Variants in USP14 observed in about 807,000 individuals in gnomAD.
The protein encoded by USP14 is ubiquitin carboxyl-terminal hydrolase 14.
USP14 carries 38 observed loss-of-function variants against 76.5 expected under a neutral mutation model. That is an observed-to-expected ratio of 0.50 (90% CI 0.38 to 0.65). The LOEUF (loss-of-function observed/expected upper bound fraction) is 0.65. Ranked by LOEUF, USP14 falls within the 30% of genes least tolerant of loss-of-function variation. The pLI is 0.00. For missense variants in USP14, 467 were observed against 586.5 expected (o/e 0.80, Z 2.10); for synonymous variants, 192 against 191.7 (o/e 1.00, Z -0.01).
chr18:214,592 A>C lies in USP14; in HGVS notation c.*3308A>C. On this transcript the variant is annotated 3_prime_UTR_variant, in exon 16 of 16. Transcript: ENST00000261601. ...CAAATGCTGCTTGGTAACAAAATCT[A>C]TCACAGTTTTAATAAAAAGAAAAAA... 9 of 1,547,740 alleles carry C rather than the reference A, an allele frequency of 5.8e-6. No homozygotes were observed. Among genetic ancestry groups the C allele is most frequent in the Non-Finnish European group, 7.9e-6 (9 of 1,139,122 alleles).
At chr18:199,405 A>G (rs1910326632) in intron 10 of USP14, 89 bp downstream of exon 10, 2 of 887,478 alleles carry the variant, frequency 2.3e-6, no homozygotes, top group Admixed American at 4.2e-5. Flanking sequence ...TTTAATGGTC[A>G]TTTGTAGACA....
chr18:170,843 A>G (rs1042534096), intron 3 of USP14, among the ~76,000 whole-genome samples: 2 of 151,714 alleles, frequency 1.3e-5, no homozygotes, highest in African/African-American at 4.8e-5. Flanking sequence ...AACAGCACAC[A>G]CGGGGGCCTG....
rs1253897157 is a variant in USP14, at chr18:213,981, A to AGATAGATAGATAGAT, written c.*2698_*2712dup. On this transcript the variant is annotated 3_prime_UTR_variant, in exon 16 of 16. Transcript: ENST00000261601. ...AATGGACAAGATAGATAGATTAGATAGATAGATAGATAGATAGATGATGAT... is the reference window on the plus strand; with the variant it reads ...AATGGACAAGATAGATAGATTAGATAGATAGATAGATAGATGATAGATAGATAGATAGATGATGAT... 59 of 150,828 alleles carry AGATAGATAGATAGAT rather than the reference A, an allele frequency of 3.9e-4. No individual in the cohort carries two copies. The highest frequency in any genetic ancestry group is 1.3e-3 in the African/African-American group (55 of 41,132). The allele number at this position is 150,828 out of a possible 1,614,324, so 9.3% of individuals were successfully genotyped here.
At chr18:177,731 T>C (rs901429956) in intron 3 of USP14, among the ~76,000 whole-genome samples, 3 of 151,766 alleles carry the variant, frequency 2.0e-5, no homozygotes, top group Non-Finnish European at 2.9e-5. Context: ...GAGAGTAAGA[T>C]GTTATTCATA....
Position 214,002 on chromosome 18 carries a change from ATGATTGAT to A in USP14, c.*2723_*2730del, listed in dbSNP as rs770194692. On this transcript the variant is annotated 3_prime_UTR_variant, in exon 16 of 16. Transcript: ENST00000261601. ...AGATAGATAGATAGATAGATAGATGATGATTGATTGATGATTGATAGTAAATTATTTCA... is the reference window on the plus strand; with the variant it reads ...AGATAGATAGATAGATAGATAGATGATGATGATTGATAGTAAATTATTTCA... 1.6e-5 allele frequency: 2 copies of A among 125,278 alleles called. No homozygotes were observed. Among genetic ancestry groups the A allele is most frequent in the African/African-American group, 2.8e-5 (1 of 35,124 alleles). The allele number at this position is 125,278 out of a possible 1,614,324, so 7.8% of individuals were successfully genotyped here.
intron 2 of USP14, among the ~76,000 whole-genome samples, chr18:164,539 C>T (rs541413450): frequency 8.5e-5 from 13 of 152,080 alleles, no homozygotes; most frequent in South Asian, 8.3e-4. Flanking sequence ...CTGCAACCTC[C>T]GCCTCCTGGG....
intron 3 of USP14, among the ~76,000 whole-genome samples, chr18:177,421 CTA>C (rs1909656782): frequency 8.2e-6 from 1 of 121,954 alleles, no homozygotes; most frequent in East Asian, 2.5e-4. Context: ...GTCCCTGTCT[CTA>C]AAAAAAAAAA....
chr18:173,261 C>A (rs1389415957), intron 3 of USP14, among the ~76,000 whole-genome samples: 1 of 151,844 alleles, frequency 6.6e-6, no homozygotes, highest in Non-Finnish European at 1.5e-5. Context: ...GTGCCTGCCA[C>A]CACACCCGGC....
intron 4 of USP14, among the ~76,000 whole-genome samples, chr18:180,017 A>C (rs1164954298): frequency 6.6e-6 from 1 of 152,174 alleles, no homozygotes; most frequent in Non-Finnish European, 1.5e-5. Context: ...ATATTTAAGA[A>C]GGAAACTAAA....
At position 202,948 on chromosome 18, in the gene USP14, A is replaced by G. The variant is rs1234175367; in HGVS notation, c.942+3A>G. 6.2e-7 allele frequency: 1 copy of G among 1,614,080 alleles called. No homozygotes were observed. Among genetic ancestry groups the G allele is most frequent in the South Asian group, 1.1e-5 (1 of 91,056 alleles). On this transcript the variant is annotated splice_donor_region_variant and intron_variant, in intron 11 of 15. Coordinates refer to ENST00000261601, the MANE Select transcript of USP14 (RefSeq NM_005151.4). ...GAAATGCCTTGTATATCAAATCTGT[A>G]AGTTATGCAGTCCTTTCGAAGCCAA...
chr18:185,726 C>T (rs766514319), intron 5 of USP14, among the ~76,000 whole-genome samples: 7 of 151,856 alleles, frequency 4.6e-5, no homozygotes, highest in Non-Finnish European at 1.0e-4. Flanking sequence ...GAGACAGGCC[C>T]TCGCTCTGTT....
Position 210,114 on chromosome 18 carries a change from A to AT in USP14, c.1225+85dup. 3.5e-6 allele frequency: 4 copies of AT among 1,128,204 alleles called. No homozygotes were observed. In the South Asian group the frequency reaches 4.4e-5, roughly 12 times the overall value. The allele number at this position is 1,128,204 out of a possible 1,614,324, so 69.9% of individuals were successfully genotyped here. A position where few individuals can be genotyped will look rare whatever the true frequency, so the allele number is the denominator to read the frequency against. Reference sequence around the variant, plus strand: ...TTTACATCTTACCCCATATTTACTTATTCTGATGTGCTTTTCAAACAAAAT... The same window carrying AT: ...TTTACATCTTACCCCATATTTACTTATTTCTGATGTGCTTTTCAAACAAAAT... On this transcript the variant is annotated intron_variant, in intron 14 of 15. Transcript: ENST00000261601.
chr18:158,872 C>T, intron 1 of USP14, 158 bp downstream of exon 1: 1 of 1,162,432 alleles, frequency 8.6e-7, no homozygotes, highest in Non-Finnish European at 1.1e-6. Flanking sequence ...ACCGTCCCCT[C>T]TCCCGGCTGG....
At chr18:183,680 A>G (rs1377311183) in intron 5 of USP14, among the ~76,000 whole-genome samples, 3 of 148,798 alleles carry the variant, frequency 2.0e-5, no homozygotes, top group African/African-American at 7.4e-5. Flanking sequence ...ATAACTCCTT[A>G]TTCTTAATTT....
intron 13 of USP14, among the ~76,000 whole-genome samples, chr18:208,865 C>T (rs576241580): frequency 2.6e-5 from 4 of 152,272 alleles, no homozygotes; most frequent in African/African-American, 9.6e-5. Flanking sequence ...CATGCCTCAG[C>T]GTCCCGAGTA....
intron 15 of USP14, 126 bp from the exon 16 acceptor site, chr18:211,007 T>C: frequency 1.0e-6 from 1 of 959,562 alleles, no homozygotes; most frequent in Non-Finnish European, 1.5e-6. Context: ...GGGTCGCACT[T>C]GGAGGACTGT....
chr18:158,758 C>G (rs1909025911), intron 1 of USP14, 44 bp downstream of exon 1: 1 of 1,451,432 alleles, frequency 6.9e-7, no homozygotes, highest in African/African-American at 1.5e-5. Flanking sequence ...CGGACCGGCG[C>G]TAGGCCTCCG....
chr18:178,989 C>G lies in USP14; in HGVS notation c.252C>G (p.Ala84=). ...SADALPEEPS[A]KTVFVEDMTE... is the part of the protein sequence containing the mutation. ...ATGCTCTTCCAGAAGAACCCTCAGC[C>G]AAAACTGTCTTCGTAGAAGACATGA... The change falls in exon 4 of 16, where the codon GCC becomes GCG. Residue 84 remains alanine, a synonymous_variant. Transcript: ENST00000261601. 6.2e-7 allele frequency: 1 copy of G among 1,613,280 alleles called. No homozygotes were observed. The highest frequency in any genetic ancestry group is 8.5e-7 in the Non-Finnish European group (1 of 1,179,672).
intron 3 of USP14, among the ~76,000 whole-genome samples, chr18:168,169 G>T (rs950764841): frequency 1.3e-5 from 2 of 151,442 alleles, no homozygotes; most frequent in Admixed American, 6.6e-5. Flanking sequence ...CAGGTGATCC[G>T]CCCACCTTGG....
Sources: allele counts gnomAD v4.1 joint callset (sites outside exome capture counted in the v4.1 genomes callset), GRCh38; gene constraint gnomAD v4.1.1; transcripts MANE v1.5; gene names NCBI Gene and HGNC (gene_info 2026-07-23, HGNC 2026-07-21).